CNTNAP2: variants seen among roughly 807,000 people sequenced by gnomAD.
CNTNAP2 encodes the protein contactin associated protein 2.
In CNTNAP2, 98 loss-of-function variants were observed where a neutral mutation model predicts 155.2. The observed-to-expected ratio is 0.63, with a 90% CI of 0.54 to 0.75. CNTNAP2 has a LOEUF of 0.75. CNTNAP2 is among the 30% of genes least tolerant of loss of function. The pLI is 0.00. For missense variants in CNTNAP2, 1,727 were observed against 1,688.1 expected (o/e 1.02, Z -0.40); for synonymous variants, 651 against 631.2 (o/e 1.03, Z -0.47).
At chr7:146,537,551 G>A (rs948737505) in intron 1 of CNTNAP2, among the ~76,000 whole-genome samples, 2 of 152,090 alleles carry the variant, frequency 1.3e-5, no homozygotes, top group Non-Finnish European at 1.5e-5. Context: ...GATGGTGAAC[G>A]CCAAGGAGAC....
chr7:147,754,985 T>A (rs1193068834), intron 13 of CNTNAP2, among the ~76,000 whole-genome samples: 2 of 152,194 alleles, frequency 1.3e-5, no homozygotes, highest in Non-Finnish European at 2.9e-5. Flanking sequence ...GGTAATAAAT[T>A]AACGTCAATT....
chr7:146,959,917 A>G (rs916313122), intron 3 of CNTNAP2, among the ~76,000 whole-genome samples: 1 of 152,146 alleles, frequency 6.6e-6, no homozygotes, highest in African/African-American at 2.4e-5. Context: ...TTCCAACTTT[A>G]GACTAGGAGC....
At position 146,820,539 on chromosome 7, in the gene CNTNAP2, T is replaced by C. The variant is rs540100002; in HGVS notation, c.209-19172T>C. On this transcript the variant is annotated intron_variant, in intron 2 of 23. Transcript: ENST00000361727. ...CACTGTGGTCTGAGAGACAGTTTGT[T>C]ATAATTTCTGTTCTTTTACATTTGC... Among the ~76,000 whole-genome samples, 3 of 152,268 alleles carry C rather than the reference T, an allele frequency of 2.0e-5. No homozygotes were observed. In the South Asian group the frequency reaches 6.2e-4, roughly 32 times the overall value.
At chr7:147,568,537 C>T (rs575133281) in intron 12 of CNTNAP2, among the ~76,000 whole-genome samples, 1 of 152,172 alleles carries the variant, frequency 6.6e-6, no homozygotes, top group South Asian at 2.1e-4. Context: ...AAAGCCAAAG[C>T]CTGGTTTCTT....
At chr7:146,974,074 A>G (rs980371605) in intron 3 of CNTNAP2, among the ~76,000 whole-genome samples, 1 of 152,206 alleles carries the variant, frequency 6.6e-6, no homozygotes, top group Non-Finnish European at 1.5e-5. Flanking sequence ...GGGTGTGTGG[A>G]CTGATACCCA....
intron 21 of CNTNAP2, among the ~76,000 whole-genome samples, chr7:148,282,184 A>G (rs1431339325): frequency 6.6e-6 from 1 of 152,178 alleles, no homozygotes; most frequent in Non-Finnish European, 1.5e-5. Flanking sequence ...TTATCACCCA[A>G]ATGTGTCTTT....
intron 1 of CNTNAP2, among the ~76,000 whole-genome samples, chr7:146,767,022 G>T (rs1802207276): frequency 6.6e-6 from 1 of 152,198 alleles, no homozygotes; most frequent in African/African-American, 2.4e-5. Context: ...GATAAGTTAT[G>T]TCCAATCAGT....
intron 15 of CNTNAP2, among the ~76,000 whole-genome samples, chr7:148,039,883 T>C (rs1195046207): frequency 6.6e-6 from 1 of 152,198 alleles, no homozygotes; most frequent in Non-Finnish European, 1.5e-5. Context: ...AATTCAGAAA[T>C]TCAGAAAACA....
chr7:147,166,042 G>C (rs2116464204), intron 8 of CNTNAP2, among the ~76,000 whole-genome samples: 1 of 152,192 alleles, frequency 6.6e-6, no homozygotes, highest in South Asian at 2.1e-4. Flanking sequence ...TCTACCCAGA[G>C]GAAAAGAAGT....
intron 1 of CNTNAP2, among the ~76,000 whole-genome samples, chr7:146,378,097 C>T (rs1795329427): frequency 1.3e-5 from 2 of 152,158 alleles, no homozygotes; most frequent in African/African-American, 4.8e-5. Flanking sequence ...CTTATCGCCA[C>T]ATCAGACCAG....
chr7:147,712,386 C>G (rs1309613324), intron 13 of CNTNAP2, among the ~76,000 whole-genome samples: 1 of 152,122 alleles, frequency 6.6e-6, no homozygotes, highest in African/African-American at 2.4e-5. Context: ...CCCAGCCATC[C>G]CATGACTGGA....
intron 1 of CNTNAP2, among the ~76,000 whole-genome samples, chr7:146,616,650 A>G (rs1799229559): frequency 6.6e-6 from 1 of 152,176 alleles, no homozygotes; most frequent in Non-Finnish European, 1.5e-5. Flanking sequence ...GTATCTGCAT[A>G]CCTGCTTAAT....
intron 1 of CNTNAP2, among the ~76,000 whole-genome samples, chr7:146,742,449 T>A (rs1046957520): frequency 8.5e-5 from 13 of 152,076 alleles, no homozygotes; most frequent in African/African-American, 2.9e-4. Flanking sequence ...GTAAAAAATA[T>A]AAATTGGGGT....
intron 1 of CNTNAP2, among the ~76,000 whole-genome samples, chr7:146,582,561 G>C (rs1477489304): frequency 6.6e-6 from 1 of 152,140 alleles, no homozygotes; most frequent in African/African-American, 2.4e-5. Context: ...CACAAGGTCA[G>C]ACACTTGGAA....
intron 3 of CNTNAP2, among the ~76,000 whole-genome samples, chr7:146,889,942 C>G (rs1442383990): frequency 6.6e-6 from 1 of 152,090 alleles, no homozygotes; most frequent in East Asian, 1.9e-4. Flanking sequence ...CAGGCATTTT[C>G]TTTCTCGTCC....
At chr7:147,024,577 A>C (rs1798868190) in intron 3 of CNTNAP2, among the ~76,000 whole-genome samples, 1 of 152,234 alleles carries the variant, frequency 6.6e-6, no homozygotes, top group Non-Finnish European at 1.5e-5. Flanking sequence ...TTCCACAGGC[A>C]GGTGAAACTG....
chr7:147,475,539 A>G (rs1406444743), intron 10 of CNTNAP2, among the ~76,000 whole-genome samples: 1 of 151,970 alleles, frequency 6.6e-6, no homozygotes, highest in Non-Finnish European at 1.5e-5. Context: ...GTTCCTGAGT[A>G]TTCTTCATAG....
At chr7:146,992,493 G>A (rs1404365009) in intron 3 of CNTNAP2, among the ~76,000 whole-genome samples, 1 of 152,086 alleles carries the variant, frequency 6.6e-6, no homozygotes, top group Non-Finnish European at 1.5e-5. Context: ...GGGACTCTCA[G>A]CAAAGCCGGA....
At chr7:147,941,343 G>A (rs561251545) in intron 14 of CNTNAP2, among the ~76,000 whole-genome samples, 1 of 152,170 alleles carries the variant, frequency 6.6e-6, no homozygotes, top group African/African-American at 2.4e-5. Flanking sequence ...CACACCCTTA[G>A]TAAAGGCTCG....
Sources: allele counts gnomAD v4.1 joint callset (sites outside exome capture counted in the v4.1 genomes callset), GRCh38; gene constraint gnomAD v4.1.1; transcripts MANE v1.5; gene names NCBI Gene and HGNC (gene_info 2026-07-23, HGNC 2026-07-21).